The following BEND3 variants were observed in gnomAD, a reference collection of about 807,000 sequenced individuals.
BEND3 encodes the protein BEN domain containing 3.
BEND3 carries 13 observed loss-of-function variants against 60.1 expected under a neutral mutation model. The ratio of observed to expected loss-of-function variants is 0.22; its 90% CI spans 0.14 to 0.34. BEND3 has a LOEUF of 0.34. BEND3 is among the 10% of genes least tolerant of loss of function. The pLI is 1.00. For missense variants in BEND3, 896 were observed against 1,138.1 expected (o/e 0.79, Z 3.06); for synonymous variants, 497 against 491.5 (o/e 1.01, Z -0.15).
At chr6:107,105,115 G>A (rs1485719575) in intron 1 of BEND3, among the ~76,000 whole-genome samples, 5 of 152,070 alleles carry the variant, frequency 3.3e-5, no homozygotes, top group African/African-American at 7.2e-5. Context: ...GCTCACACCC[G>A]TAATCCCAGC....
At chr6:107,112,707 G>C (rs539156936) in intron 1 of BEND3, among the ~76,000 whole-genome samples, 11 of 152,144 alleles carry the variant, frequency 7.2e-5, no homozygotes. Context: ...TACAAAACTA[G>C]CCGGGCATGG....
At chr6:107,083,012 C>T (rs143410029) in intron 3 of BEND3, among the ~76,000 whole-genome samples, 223 of 152,298 alleles carry the variant, frequency 1.5e-3, no homozygotes, top group African/African-American at 3.8e-3. Flanking sequence ...AACACTCATA[C>T]AGTCACTGGG....
At chr6:107,085,028 T>C (rs1775312816) in intron 3 of BEND3, among the ~76,000 whole-genome samples, 2 of 152,190 alleles carry the variant, frequency 1.3e-5, no homozygotes, top group Non-Finnish European at 2.9e-5. Flanking sequence ...TTATGAGCTG[T>C]AACACTCATC....
At chr6:107,108,921 C>T (rs1222763067) in intron 1 of BEND3, among the ~76,000 whole-genome samples, 2 of 152,166 alleles carry the variant, frequency 1.3e-5, no homozygotes, top group African/African-American at 4.8e-5. Flanking sequence ...TCTCCTGTCT[C>T]AGCCTCCCGA....
intron 3 of BEND3, among the ~76,000 whole-genome samples, chr6:107,089,888 C>T (rs1775439395): frequency 6.6e-6 from 1 of 151,644 alleles, no homozygotes; most frequent in Non-Finnish European, 1.5e-5. Context: ...AGCCACTGCG[C>T]CTGGCCACCA....
At chr6:107,097,496 A>C (rs1455805113) in intron 3 of BEND3, among the ~76,000 whole-genome samples, 1 of 150,178 alleles carries the variant, frequency 6.7e-6, no homozygotes, top group African/African-American at 2.5e-5. Flanking sequence ...TAGTAAATAA[A>C]AGTATCACTC....
At position 107,070,496 on chromosome 6, in the gene BEND3, C is replaced by T; in HGVS notation, c.695G>A (p.Ser232Asn). 1 of 1,614,078 alleles carries T rather than the reference C, an allele frequency of 6.2e-7. No homozygotes were observed. Among genetic ancestry groups the T allele is most frequent in the South Asian group, 1.1e-5 (1 of 91,070 alleles). Residue 232 changes from serine (S) to asparagine (N), a missense_variant, in exon 4 of 4, where the codon AGC becomes AAC. Around this residue, in one of 4 missense-constraint regions of BEND3, gnomAD observed 846 missense variants for 1,036.7 expected, o/e 0.82. Coordinates refer to ENST00000369042, the MANE Select transcript of BEND3 (RefSeq NM_001367314.1). This position sits in a 1 kb window ranked among gnomAD's most constrained non-coding sequence, Gnocchi z 6.9. Reference sequence around the variant, plus strand: ...GAATTTGGCCACCATCTCAGTGGGGCTCACCTGCTTCTTGATGCGGCTCAC... The same window carrying T: ...GAATTTGGCCACCATCTCAGTGGGGTTCACCTGCTTCTTGATGCGGCTCAC... The part of the protein sequence containing the change: ...LEVSRIKKQV[S>N]PTEMVAKFQP...
At chr6:107,075,742 C>T (rs1775087458) in intron 3 of BEND3, among the ~76,000 whole-genome samples, 1 of 152,112 alleles carries the variant, frequency 6.6e-6, no homozygotes, top group Admixed American at 6.6e-5. Flanking sequence ...ACGTATATAG[C>T]ATGCAACAAG....
rs1774971074 is a variant in BEND3 at position 107,071,127 on chromosome 6, C to T, written c.241-177G>A. Among the ~76,000 whole-genome samples the T allele has an allele frequency of 3.9e-5, 6 of 152,338 alleles. No individual in the cohort carries two copies. The South Asian group carries it at 1.2e-3, about 32-fold the overall frequency. ...ATGCACCACTGATACAAACCTGCAT[C>T]CCCACCACCCCAAACCTGCTGCTCT... On this transcript the variant is annotated intron_variant, in intron 3 of 3. Transcript: ENST00000369042.
rs1427507774 is a variant in BEND3, at chr6:107,067,088, T to C, written c.*1616A>G. The C allele has an allele frequency of 2.0e-5, 3 of 152,228 alleles. No individual in the cohort carries two copies. The highest frequency in any genetic ancestry group is 7.2e-5 in the African/African-American group (3 of 41,460). 9.4% of individuals were successfully genotyped at this position (152,228 alleles called of 1,614,324 possible). A position where few individuals can be genotyped will look rare whatever the true frequency, so the allele number is the denominator to read the frequency against. On this transcript the variant is annotated 3_prime_UTR_variant, in exon 4 of 4. Coordinates refer to ENST00000369042, the MANE Select transcript of BEND3 (RefSeq NM_001367314.1). ...TTAGATCAGCAACTTAACATTGCTT[T>C]TAAAATCCTGTATTTTAAAAAATGC...
intron 3 of BEND3, among the ~76,000 whole-genome samples, chr6:107,090,448 TAAAG>T (rs1775451726): frequency 6.6e-6 from 1 of 152,110 alleles, no homozygotes; most frequent in African/African-American, 2.4e-5. Context: ...TGAATCTACA[TAAAG>T]AAAGAAAGTG....
chr6:107,108,308 G>A (rs782411313), intron 1 of BEND3, among the ~76,000 whole-genome samples: 30 of 152,252 alleles, frequency 2.0e-4, no homozygotes, highest in Admixed American at 6.5e-5. Flanking sequence ...ATCTTCCTCA[G>A]CTAAGAAGTT....
chr6:107,103,534 C>A (rs1269184267), intron 1 of BEND3, among the ~76,000 whole-genome samples: 1 of 152,206 alleles, frequency 6.6e-6, no homozygotes, highest in Non-Finnish European at 1.5e-5. Flanking sequence ...ATGCCTCCCA[C>A]CATAAACCTC....
chr6:107,105,700 T>A (rs1439618194), intron 1 of BEND3, among the ~76,000 whole-genome samples: 1 of 152,222 alleles, frequency 6.6e-6, no homozygotes, highest in Non-Finnish European at 1.5e-5. Context: ...TTGGGCTTCC[T>A]GCAACCTGGA....
At chr6:107,081,503 T>C (rs1554233549) in intron 3 of BEND3, among the ~76,000 whole-genome samples, 1 of 152,152 alleles carries the variant, frequency 6.6e-6, no homozygotes, top group Non-Finnish European at 1.5e-5. Flanking sequence ...ATTACAGGCA[T>C]GAGCCACCGC....
At chr6:107,078,103 A>C (rs1775137196) in intron 3 of BEND3, among the ~76,000 whole-genome samples, 1 of 152,210 alleles carries the variant, frequency 6.6e-6, no homozygotes, top group African/African-American at 2.4e-5. Context: ...AGAGGTGCCA[A>C]ATAAGTCTTT....
intron 3 of BEND3, among the ~76,000 whole-genome samples, chr6:107,086,897 C>T (rs1216926027): frequency 6.6e-6 from 1 of 151,478 alleles, no homozygotes; most frequent in Non-Finnish European, 1.5e-5. Flanking sequence ...TGGTTGTACA[C>T]GCCTGTAGTC....
In BEND3 at chr6:107,096,690, T is replaced by A. The variant is rs782498772; in HGVS notation, c.240+1861A>T. Among the ~76,000 whole-genome samples, 9 of 152,342 alleles carry A rather than the reference T, an allele frequency of 5.9e-5. 2 individuals carry two copies. The South Asian group carries it at 1.9e-3, about 32-fold the overall frequency. ...AATCCTTAGAAAGTACATTAGTGAT[T>A]GTCAGTAGCTGGAAAAGTAGGGAAT... On this transcript the variant is annotated intron_variant, in intron 3 of 3. Transcript: ENST00000369042.
chr6:107,095,579 A>C (rs1031737501), intron 3 of BEND3, among the ~76,000 whole-genome samples: 18 of 152,202 alleles, frequency 1.2e-4, no homozygotes, highest in Non-Finnish European at 2.4e-4. Context: ...GTCCACATGA[A>C]AACCTATACA....
Sources: allele counts gnomAD v4.1 joint callset (sites outside exome capture counted in the v4.1 genomes callset), GRCh38; gene constraint gnomAD v4.1.1; regional missense constraint gnomAD v4.1.1; non-coding constraint Gnocchi (gnomAD v3.1); transcripts MANE v1.5; gene names NCBI Gene and HGNC (gene_info 2026-07-23, HGNC 2026-07-21).